Variants in FPR3 observed in about 807,000 individuals in gnomAD.
FPR3 encodes the protein formyl peptide receptor 3.
For missense variants in FPR3, 346 were observed against 443.2 expected, an observed-to-expected ratio of 0.78 and a Z score of 1.97; for synonymous variants, 135 against 163.6, an observed-to-expected ratio of 0.83 and a Z score of 1.34.
chr19:51,798,674 A>G (rs1267220847), intron 1 of FPR3, among the ~76,000 whole-genome samples: 1 of 152,210 alleles, frequency 6.6e-6, no homozygotes, highest in African/African-American at 2.4e-5. Flanking sequence ...AAAAAACTAC[A>G]GGAGTCCCTG....
rs925540956 is a variant in FPR3, at chr19:51,808,667, A to G, written c.-11+13336A>G. On this transcript the variant is annotated intron_variant, in intron 1 of 1. Coordinates refer to ENST00000339223, the MANE Select transcript of FPR3 (RefSeq NM_002030.5). ...CGTGTAAGGGTGTAGTAAAGAAACA[A>G]TCCTTAAGATCTATTACTACAAGAG... 5.9e-5 allele frequency among the ~76,000 whole-genome samples: 9 copies of G among 152,318 alleles called. No individual in the cohort carries two copies. In the East Asian group the frequency reaches 9.6e-4, roughly 16 times the overall value.
At chr19:51,821,137 A>G (rs1294361833) in intron 1 of FPR3, among the ~76,000 whole-genome samples, 2 of 152,232 alleles carry the variant, frequency 1.3e-5, no homozygotes, top group African/African-American at 4.8e-5. Context: ...TTCCATGTCC[A>G]GTCTCACTTA....
chr19:51,823,813 A>G lies in FPR3; in HGVS notation c.65A>G (p.His22Arg). The G allele has an allele frequency of 1.9e-6, 3 of 1,613,810 alleles. No individual in the cohort carries two copies. The highest frequency in any genetic ancestry group is 2.5e-6 in the Non-Finnish European group (3 of 1,179,826). The change falls in exon 2 of 2, where the codon CAC becomes CGC. Residue 22 changes from histidine (H) to arginine (R), a missense_variant. By Grantham distance (29) the His-to-Arg change is conservative. Coordinates refer to ENST00000339223, the MANE Select transcript of FPR3 (RefSeq NM_002030.5). ...GAGGTGCTCCCTGAGCCTGCTGGCCACACCGTTCTGTGGATCTTCTCATTG... is the reference window on the plus strand; with the variant it reads ...GAGGTGCTCCCTGAGCCTGCTGGCCGCACCGTTCTGTGGATCTTCTCATTG... ...TEEVLPEPAG[H>R]TVLWIFSLLV...
At chr19:51,816,361 C>T (rs2084137071) in intron 1 of FPR3, among the ~76,000 whole-genome samples, 1 of 152,170 alleles carries the variant, frequency 6.6e-6, no homozygotes, top group Admixed American at 6.5e-5. Flanking sequence ...GATTCTCGTG[C>T]CTCAGCCTCC....
At chr19:51,796,095 A>G (rs2083997107) in intron 1 of FPR3, among the ~76,000 whole-genome samples, 1 of 152,222 alleles carries the variant, frequency 6.6e-6, no homozygotes, top group Non-Finnish European at 1.5e-5. Context: ...GATAGGCTGT[A>G]CCTGAGCATT....
At chr19:51,811,069 C>G (rs1014412751) in intron 1 of FPR3, among the ~76,000 whole-genome samples, 2 of 150,986 alleles carry the variant, frequency 1.3e-5, no homozygotes, top group African/African-American at 4.9e-5. Flanking sequence ...AGTGGGACAA[C>G]AGATTCTTTC....
chr19:51,805,154 G>A (rs1477924803), intron 1 of FPR3: 3 of 152,152 alleles, frequency 2.0e-5, no homozygotes, highest in Non-Finnish European at 2.9e-5. Flanking sequence ...ATGGGCCTTC[G>A]GCTCCCTGCA....
chr19:51,797,477 T>C (rs563474167), intron 1 of FPR3, among the ~76,000 whole-genome samples: 1 of 152,142 alleles, frequency 6.6e-6, no homozygotes, highest in African/African-American at 2.4e-5. Flanking sequence ...CAATTTTCAA[T>C]TTTTTTGGTA....
intron 1 of FPR3, among the ~76,000 whole-genome samples, chr19:51,808,603 T>C (rs1048097020): frequency 2.0e-5 from 3 of 152,268 alleles, no homozygotes; most frequent in South Asian, 2.1e-4. Context: ...CTTTGATTAA[T>C]AGAAGGCACA....
chr19:51,799,290 A>G (rs1020448239), intron 1 of FPR3, among the ~76,000 whole-genome samples: 7 of 152,090 alleles, frequency 4.6e-5, no homozygotes, highest in African/African-American at 1.7e-4. Context: ...TCGTCGCCTC[A>G]TTGAAGCCGC....
intron 1 of FPR3, among the ~76,000 whole-genome samples, chr19:51,815,786 A>C (rs2084131143): frequency 6.6e-6 from 1 of 151,524 alleles, no homozygotes; most frequent in Non-Finnish European, 1.5e-5. Context: ...CCTTGAGCCC[A>C]GGGAAGTGGA....
intron 1 of FPR3, among the ~76,000 whole-genome samples, chr19:51,813,162 C>CACACACA (rs1407461186): frequency 1.5e-5 from 2 of 135,052 alleles, no homozygotes; most frequent in African/African-American, 5.6e-5. Flanking sequence ...ACACACACAC[C>CACACACA]CCATAAATTT....
At chr19:51,819,182 G>T (rs1285629526) in intron 1 of FPR3, among the ~76,000 whole-genome samples, 1 of 152,198 alleles carries the variant, frequency 6.6e-6, no homozygotes, top group African/African-American at 2.4e-5. Context: ...TGGCAGGTTT[G>T]GGAGGAAGGG....
In FPR3 at chr19:51,811,607, C is replaced by T. The variant is rs189920883; in HGVS notation, c.-10-12132C>T. ...CAGACTGTCGCCTGTTTGAGTGCCA[C>T]TTGTAGAGCCCCTGATTCTGTCGCT... is the stretch of plus-strand genomic sequence containing the variant. On this transcript the variant is annotated intron_variant, in intron 1 of 1. Transcript: ENST00000339223. 3 of 152,356 alleles carry T rather than the reference C, an allele frequency of 2.0e-5. No individual in the cohort carries two copies. In the East Asian group the frequency reaches 5.8e-4, roughly 29 times the overall value. The allele number at this position is 152,356 out of a possible 1,614,324, so 9.4% of individuals were successfully genotyped here.
chr19:51,805,098 G>A (rs1054671598), intron 1 of FPR3: 2 of 152,232 alleles, frequency 1.3e-5, no homozygotes, highest in African/African-American at 2.4e-5. Context: ...ACAGTTTGCT[G>A]TTTGATCATA....
chr19:51,818,888 CT>C (rs1438884026), intron 1 of FPR3, among the ~76,000 whole-genome samples: 2 of 152,068 alleles, frequency 1.3e-5, no homozygotes, highest in African/African-American at 4.8e-5. Flanking sequence ...CTTATTTTTC[CT>C]TTTGAAATAT....
chr19:51,800,570 T>C (rs2084022218), intron 1 of FPR3, among the ~76,000 whole-genome samples: 1 of 152,138 alleles, frequency 6.6e-6, no homozygotes, highest in Non-Finnish European at 1.5e-5. Flanking sequence ...GTGATAGTGA[T>C]GTTCCTTGGG....
At chr19:51,797,033 C>T (rs186156937) in intron 1 of FPR3, among the ~76,000 whole-genome samples, 45 of 152,278 alleles carry the variant, frequency 3.0e-4, no homozygotes, top group Admixed American at 1.5e-3. Flanking sequence ...GCTGTAGAGA[C>T]GACCAAGAGT....
chr19:51,808,763 A>G (rs537359044), intron 1 of FPR3, among the ~76,000 whole-genome samples: 19 of 152,364 alleles, frequency 1.2e-4, no homozygotes, highest in Non-Finnish European at 2.5e-4. Flanking sequence ...TTATGTGTAC[A>G]TGAATAGCTC....
Sources: gnomAD v4.1 joint callset for allele counts (sites outside exome capture counted in the v4.1 genomes callset) on GRCh38, gnomAD v4.1.1 for gene constraint, MANE v1.5 for transcripts, NCBI Gene and HGNC (gene_info 2026-07-23, HGNC 2026-07-21) for gene names.